ASIC2: variants seen among roughly 807,000 people sequenced by gnomAD.
ASIC2 encodes the protein acid sensing ion channel subunit 2, also known as acid-sensing ion channel 2.
ASIC2 carries 25 observed loss-of-function variants against 57.3 expected under a neutral mutation model. That is an observed-to-expected ratio of 0.44 (90% CI 0.32 to 0.61). The LOEUF (loss-of-function observed/expected upper bound fraction) is 0.61, where lower values mean the gene tolerates loss of function less well. Ranked by LOEUF, ASIC2 falls within the 20% of genes least tolerant of loss-of-function variation. ASIC2 has a pLI of 0.06. For synonymous variants in ASIC2, 319 were observed against 307.5 expected, an observed-to-expected ratio of 1.04 and a Z score of -0.39; for missense variants, 641 against 738.1, an observed-to-expected ratio of 0.87 and a Z score of 1.52.
chr17:33,130,806 A>G (rs2092342631), intron 1 of ASIC2, among the ~76,000 whole-genome samples: 1 of 152,206 alleles, frequency 6.6e-6, no homozygotes, highest in African/African-American at 2.4e-5. Flanking sequence ...GTCAGGGCAG[A>G]CATCTAAGGG....
intron 1 of ASIC2, among the ~76,000 whole-genome samples, chr17:33,801,789 G>A (rs1418945662): frequency 6.6e-6 from 1 of 152,140 alleles, no homozygotes; most frequent in Non-Finnish European, 1.5e-5. Context: ...TTAAAAGTAA[G>A]TAAAATCTAA....
At chr17:33,796,825 C>G (rs1597879615) in intron 1 of ASIC2, among the ~76,000 whole-genome samples, 2 of 152,166 alleles carry the variant, frequency 1.3e-5, no homozygotes, top group East Asian at 3.9e-4. Context: ...ACCCTGAGCT[C>G]CAGGCTTGGC....
At chr17:33,481,141 T>C (rs1913391516) in intron 1 of ASIC2, among the ~76,000 whole-genome samples, 1 of 152,234 alleles carries the variant, frequency 6.6e-6, no homozygotes, top group African/African-American at 2.4e-5. Context: ...TCACCTTTTC[T>C]GGTGCCTGAG....
chr17:33,859,474 C>T (rs575181798), intron 1 of ASIC2, among the ~76,000 whole-genome samples: 8 of 152,296 alleles, frequency 5.3e-5, no homozygotes, highest in Admixed American at 2.6e-4. Flanking sequence ...GAAACCCAAG[C>T]TCAATCAGAG....
intron 1 of ASIC2, among the ~76,000 whole-genome samples, chr17:33,476,289 C>T (rs12941777): frequency 0.27 from 41,369 of 151,978 alleles, 5,738 homozygotes; most frequent in South Asian, 0.33. Flanking sequence ...ATCAACATTA[C>T]GCTTTTGAGC....
chr17:33,197,492 G>T (rs1439669214), intron 1 of ASIC2, among the ~76,000 whole-genome samples: 1 of 152,188 alleles, frequency 6.6e-6, no homozygotes, highest in Non-Finnish European at 1.5e-5. Context: ...CCACACTCTG[G>T]GTCCCTGGAA....
chr17:33,244,045 T>C (rs923426507), intron 1 of ASIC2, among the ~76,000 whole-genome samples: 1 of 152,208 alleles, frequency 6.6e-6, no homozygotes, highest in Non-Finnish European at 1.5e-5. Flanking sequence ...GCTCATGAGA[T>C]AGCAACAAAT....
At chr17:33,383,919 G>A (rs1045143075) in intron 1 of ASIC2, among the ~76,000 whole-genome samples, 7 of 152,210 alleles carry the variant, frequency 4.6e-5, no homozygotes, top group African/African-American at 4.8e-5. Context: ...CTTAGCAGAA[G>A]CATCAAAGGC....
chr17:34,110,955 G>A (rs992811128), intron 1 of ASIC2, among the ~76,000 whole-genome samples: 8 of 152,258 alleles, frequency 5.3e-5, no homozygotes, highest in East Asian at 1.9e-4. Flanking sequence ...CAGACACGGT[G>A]GCTCATGCCT....
At chr17:33,112,095 G>T in intron 1 of ASIC2, 28 bp from the exon 2 acceptor site, 1 of 1,573,246 alleles carries the variant, frequency 6.4e-7, no homozygotes, top group Non-Finnish European at 8.6e-7. Flanking sequence ...GAGAGAGAGA[G>T]AAGCACATGG....
intron 1 of ASIC2, among the ~76,000 whole-genome samples, chr17:34,076,004 A>AT (rs202123828): frequency 2.7e-4 from 36 of 131,134 alleles, no homozygotes; most frequent in African/African-American, 1.0e-3. Context: ...ATTATTTTTT[A>AT]TTTTTATTTT....
At chr17:33,123,689 G>A (rs560361256) in intron 1 of ASIC2, among the ~76,000 whole-genome samples, 8 of 152,272 alleles carry the variant, frequency 5.3e-5, no homozygotes, top group Non-Finnish European at 1.2e-4. Flanking sequence ...GGTGAACTTC[G>A]CTTTCCCCGC....
At chr17:33,721,270 C>A (rs1488690845) in intron 1 of ASIC2, among the ~76,000 whole-genome samples, 1 of 152,160 alleles carries the variant, frequency 6.6e-6, no homozygotes, top group Non-Finnish European at 1.5e-5. Flanking sequence ...TTTGGGGATT[C>A]ATTCATTCAT....
At chr17:33,116,850 T>C (rs1295673256) in intron 1 of ASIC2, among the ~76,000 whole-genome samples, 2 of 151,840 alleles carry the variant, frequency 1.3e-5, no homozygotes, top group African/African-American at 2.4e-5. Context: ...CATAGTTTTA[T>C]ATAATTTTTT....
chr17:33,837,886 C>G (rs1194210503), intron 1 of ASIC2, among the ~76,000 whole-genome samples: 2 of 152,158 alleles, frequency 1.3e-5, no homozygotes, highest in African/African-American at 4.8e-5. Flanking sequence ...GCTGTTCTCT[C>G]TTTCTGAACT....
intron 1 of ASIC2, among the ~76,000 whole-genome samples, chr17:33,659,896 AAATAAATAAATAAAT>A (rs1388068362): frequency 6.7e-6 from 1 of 148,506 alleles, no homozygotes; most frequent in African/African-American, 2.5e-5. Flanking sequence ...ATAAATAAAT[AAATAAATAAATAAAT>A]AAATAAAATA....
chr17:33,134,810 C>T (rs2092361553), intron 1 of ASIC2, among the ~76,000 whole-genome samples: 1 of 149,710 alleles, frequency 6.7e-6, no homozygotes, highest in South Asian at 2.1e-4. Context: ...CCATCATAGC[C>T]CCTGCCCCAA....
chr17:33,669,307 G>A (rs768712715), intron 1 of ASIC2, among the ~76,000 whole-genome samples: 1 of 152,196 alleles, frequency 6.6e-6, no homozygotes, highest in Admixed American at 6.5e-5. Flanking sequence ...TATGTGAAAA[G>A]GGTAATGTAT....
intron 1 of ASIC2, among the ~76,000 whole-genome samples, chr17:34,085,355 T>C (rs1485541875): frequency 1.3e-5 from 2 of 152,244 alleles, no homozygotes; most frequent in Non-Finnish European, 2.9e-5. Context: ...GATTTGTGTA[T>C]ATTGAACCAG....
Sources: gnomAD v4.1 joint callset for allele counts (sites outside exome capture counted in the v4.1 genomes callset) on GRCh38, gnomAD v4.1.1 for gene constraint, MANE v1.5 for transcripts, NCBI Gene and HGNC (gene_info 2026-07-23, HGNC 2026-07-21) for gene names.